Variants in UBR1 observed in about 807,000 individuals in gnomAD.
UBR1 encodes ubiquitin protein ligase E3 component n-recognin 1.
In UBR1, 102 loss-of-function variants were observed where a neutral mutation model predicts 242.1. The observed-to-expected ratio is 0.42, with a 90% CI of 0.36 to 0.50. UBR1 has a LOEUF of 0.50. Ranked by LOEUF, UBR1 falls within the 20% of genes least tolerant of loss-of-function variation. The pLI, the probability that UBR1 is intolerant of heterozygous loss-of-function variation, is 0.01. For synonymous variants in UBR1, 675 were observed against 684.8 expected, an observed-to-expected ratio of 0.99 and a Z score of 0.22; for missense variants, 1,772 against 2,101.8, an observed-to-expected ratio of 0.84 and a Z score of 3.07.
In UBR1 at chr15:43,017,084, C is replaced by T; in HGVS notation, c.3027+11G>A. The T allele has an allele frequency of 1.3e-6, 2 of 1,599,288 alleles. No homozygotes were observed. Among genetic ancestry groups the T allele is most frequent in the South Asian group, 1.1e-5 (1 of 90,706 alleles). ...TGTCACCATTACTACAGTGTTATTACAGTGTCATACCTCATCATTCTTAAT... is the reference window on the plus strand; with the variant it reads ...TGTCACCATTACTACAGTGTTATTATAGTGTCATACCTCATCATTCTTAAT... On this transcript the variant is annotated intron_variant, in intron 28 of 46. Coordinates refer to ENST00000290650, the MANE Select transcript of UBR1 (RefSeq NM_174916.3).
intron 3 of UBR1, among the ~76,000 whole-genome samples, chr15:43,082,254 G>A (rs1250829309): frequency 6.6e-6 from 1 of 151,974 alleles, no homozygotes; most frequent in Non-Finnish European, 1.5e-5. Flanking sequence ...ATACACAGAG[G>A]TTTACTGTAA....
intron 5 of UBR1, among the ~76,000 whole-genome samples, chr15:43,069,571 G>A (rs1008122046): frequency 3.3e-5 from 5 of 152,174 alleles, no homozygotes; most frequent in East Asian, 3.8e-4. Context: ...CGCCGCGCCC[G>A]GCCTATGTTC....
chr15:43,034,151 T>C (rs1435869260), intron 19 of UBR1, among the ~76,000 whole-genome samples: 7 of 151,882 alleles, frequency 4.6e-5, no homozygotes, highest in African/African-American at 1.5e-4. Flanking sequence ...GGCAGGAGAA[T>C]GGCTTGAACC....
chr15:42,972,134 AAC>A (rs1199510108), intron 39 of UBR1, among the ~76,000 whole-genome samples: 1 of 152,282 alleles, frequency 6.6e-6, no homozygotes, highest in African/African-American at 2.4e-5. Context: ...TATTTTTCAT[AAC>A]AGTTTCACTG....
chr15:43,005,071 C>A (rs1235236786), intron 30 of UBR1, among the ~76,000 whole-genome samples: 3 of 151,980 alleles, frequency 2.0e-5, no homozygotes, highest in East Asian at 3.9e-4. Flanking sequence ...CCGACCGCCA[C>A]CCCATCTGGG....
chr15:42,983,950 C>T lies in UBR1; in HGVS notation c.4097G>A (p.Arg1366Lys), dbSNP rs1169079077. 2 of 1,612,856 alleles carry T rather than the reference C, an allele frequency of 1.2e-6. No homozygotes were observed. The highest frequency in any genetic ancestry group is 1.3e-5 in the African/African-American group (1 of 74,818). ...TATCAGGACCTGAGGACAGGTAATC[C>T]TCTGTGCAACTGCAAACTGCATTAA... ...KALMQFAVAQ[R>K]ITCPQVLIQK... The change falls in exon 37 of 47, where the codon AGG becomes AAG. Residue 1366 changes from arginine to lysine, a missense_variant. Around this residue, in one of 3 missense-constraint regions of UBR1, gnomAD observed 965 missense variants for 1,079.7 expected, o/e 0.89. Transcript: ENST00000290650.
chr15:42,943,099 AGTT>A lies in UBR1; in HGVS notation c.*2227_*2229del, dbSNP rs2031677870. 1 of 152,670 alleles carries A rather than the reference AGTT, an allele frequency of 6.6e-6. No homozygotes were observed. The highest frequency in any genetic ancestry group is 2.4e-5 in the African/African-American group (1 of 41,470). The allele number at this position is 152,670 out of a possible 1,614,324, so 9.5% of individuals were successfully genotyped here. A position where few individuals can be genotyped will look rare whatever the true frequency, so the allele number is the denominator to read the frequency against. On this transcript the variant is annotated 3_prime_UTR_variant, in exon 47 of 47. Transcript: ENST00000290650. ...ATCATCACAGTGAACCAAAATGCATAGTTGTTATGAAATGACAAATGACCACTA... is the reference window on the plus strand; with the variant it reads ...ATCATCACAGTGAACCAAAATGCATAGTTATGAAATGACAAATGACCACTA...
intron 35 of UBR1, among the ~76,000 whole-genome samples, chr15:42,985,219 G>A (rs2032440402): frequency 6.6e-6 from 1 of 152,014 alleles, no homozygotes; most frequent in Non-Finnish European, 1.5e-5. Flanking sequence ...AAAGCAGCCT[G>A]GACTGCTTCT....
chr15:42,969,095 T>C (rs1163341243), intron 40 of UBR1, among the ~76,000 whole-genome samples: 1 of 152,228 alleles, frequency 6.6e-6, no homozygotes, highest in East Asian at 1.9e-4. Context: ...ATCGCCACAC[T>C]GTCTTCCACA....
chr15:42,977,338 G>A (rs973207241), intron 38 of UBR1, among the ~76,000 whole-genome samples: 1 of 152,130 alleles, frequency 6.6e-6, no homozygotes, highest in African/African-American at 2.4e-5. Context: ...GGCTACCCCT[G>A]CATCCATAAA....
chr15:43,037,616 G>A (rs967400794), intron 17 of UBR1, among the ~76,000 whole-genome samples, 157 bp downstream of exon 17: 10 of 152,122 alleles, frequency 6.6e-5, no homozygotes, highest in African/African-American at 2.2e-4. Context: ...TAGGAGAAAT[G>A]TCTATATAGT....
At chr15:43,105,901 A>AC in intron 1 of UBR1, 41 bp downstream of exon 1, 1 of 1,589,690 alleles carries the variant, frequency 6.3e-7, no homozygotes, top group Non-Finnish European at 8.6e-7. Flanking sequence ...GTAGGGAGGG[A>AC]CCGGGGGGAG....
At chr15:42,960,514 C>G (rs2031997173) in intron 43 of UBR1, 131 bp downstream of exon 43, 1 of 937,816 alleles carries the variant, frequency 1.1e-6, no homozygotes, top group East Asian at 2.7e-5. Context: ...TGGCAAAGAC[C>G]TAACAGAAAT....
chr15:42,948,280 T>C (rs2031770588), intron 46 of UBR1, among the ~76,000 whole-genome samples: 1 of 152,022 alleles, frequency 6.6e-6, no homozygotes, highest in South Asian at 2.1e-4. Context: ...AAAAATTAAT[T>C]CAAGATGGAT....
Position 42,945,082 on chromosome 15 carries a change from A to G in UBR1, c.*247T>C, listed in dbSNP as rs367590102. On this transcript the variant is annotated 3_prime_UTR_variant, in exon 47 of 47. Coordinates refer to ENST00000290650, the MANE Select transcript of UBR1 (RefSeq NM_174916.3). ...TAAAATGAAATGAGACAAATTATGA[A>G]GGGGAATAAATTCCTGGAAATACTA... 43 of 501,492 alleles carry G rather than the reference A, an allele frequency of 8.6e-5. No individual in the cohort carries two copies. The East Asian group carries it at 1.4e-3, about 17-fold the overall frequency. The allele number at this position is 501,492 out of a possible 1,614,324, so 31.1% of individuals were successfully genotyped here.
chr15:43,045,280 A>T (rs2141324601), intron 14 of UBR1, among the ~76,000 whole-genome samples: 1 of 152,180 alleles, frequency 6.6e-6, no homozygotes, highest in South Asian at 2.1e-4. Context: ...GGCAACACAG[A>T]GAAACCCTGT....
chr15:43,050,930 C>A (rs759073116), intron 12 of UBR1, among the ~76,000 whole-genome samples: 2 of 152,034 alleles, frequency 1.3e-5, no homozygotes, highest in Non-Finnish European at 2.9e-5. Flanking sequence ...AAGTCACAGA[C>A]GCTGGGGAGG....
chr15:43,093,898 T>G (rs2034132036), intron 1 of UBR1, among the ~76,000 whole-genome samples: 2 of 152,044 alleles, frequency 1.3e-5, no homozygotes, highest in South Asian at 4.1e-4. Context: ...TAATTCACTC[T>G]GCTTTTTCAT....
In UBR1 at chr15:42,945,395, T is replaced by G; in HGVS notation, c.5184A>C (p.Ile1728=). 6.2e-7 allele frequency: 1 copy of G among 1,614,228 alleles called. No homozygotes were observed. The highest frequency in any genetic ancestry group is 8.5e-7 in the Non-Finnish European group (1 of 1,180,040). The change falls in exon 47 of 47, where the codon ATA becomes ATC. Residue 1728 remains isoleucine, a synonymous_variant. Coordinates refer to ENST00000290650, the MANE Select transcript of UBR1 (RefSeq NM_174916.3). ...TCTCTTGGCTCCTAGCAATCTCTTCTATAATGCAGTGTTGTTGCCAGACCA... is the reference window on the plus strand; with the variant it reads ...TCTCTTGGCTCCTAGCAATCTCTTCGATAATGCAGTGTTGTTGCCAGACCA... ...LHLVWQQHCI[I]EEIARSQETN... is the part of the protein sequence containing the mutation.
Sources: allele counts gnomAD v4.1 joint callset (sites outside exome capture counted in the v4.1 genomes callset), GRCh38; gene constraint gnomAD v4.1.1; regional missense constraint gnomAD v4.1.1; transcripts MANE v1.5; gene names NCBI Gene and HGNC (gene_info 2026-07-23, HGNC 2026-07-21).